HEATR5B: variants seen among roughly 807,000 people sequenced by gnomAD.
The protein encoded by HEATR5B is HEAT repeat containing 5B, also known as HEAT repeat-containing protein 5B.
Under a neutral mutation model 224.1 loss-of-function variants are expected in HEATR5B, and 156 were observed. The ratio of observed to expected loss-of-function variants is 0.70; its 90% confidence interval spans 0.61 to 0.80. The LOEUF (loss-of-function observed/expected upper bound fraction) is 0.80. HEATR5B is among the 30% of genes least tolerant of loss of function. HEATR5B has a pLI of 0.00. For missense variants in HEATR5B, 2,323 were observed against 2,535.5 expected, an observed-to-expected ratio of 0.92 and a Z score of 1.80; for synonymous variants, 1,027 against 893.0, an observed-to-expected ratio of 1.15 and a Z score of -2.68.
intron 2 of HEATR5B, among the ~76,000 whole-genome samples, 161 bp from the exon 3 acceptor site, chr2:37,079,492 G>A (rs1672426279): frequency 1.3e-5 from 2 of 152,116 alleles, no homozygotes; most frequent in Non-Finnish European, 2.9e-5. Flanking sequence ...GAAAAGTTCT[G>A]TAAGAAATGA....
intron 2 of HEATR5B, among the ~76,000 whole-genome samples, chr2:37,082,942 T>C (rs1672701157): frequency 1.3e-5 from 2 of 151,618 alleles, no homozygotes; most frequent in African/African-American, 4.9e-5. Flanking sequence ...AAAAAGAGCC[T>C]ATTATTGACT....
intron 16 of HEATR5B, 36 bp downstream of exon 16, chr2:37,056,404 A>G (rs1334950177): frequency 6.8e-7 from 1 of 1,472,786 alleles, no homozygotes; most frequent in South Asian, 1.3e-5. Context: ...CATAATATAT[A>G]TTTAACAAAA....
intron 26 of HEATR5B, among the ~76,000 whole-genome samples, chr2:37,015,031 G>C (rs1167353385): frequency 1.3e-5 from 2 of 152,032 alleles, no homozygotes. Context: ...CTACCCTCAA[G>C]TAAGAAAACA....
chr2:36,996,121 C>T (rs1326352666), intron 33 of HEATR5B, among the ~76,000 whole-genome samples: 2 of 149,270 alleles, frequency 1.3e-5, no homozygotes, highest in African/African-American at 2.5e-5. Context: ...AGTGCAGTGG[C>T]GCGATCTCAG....
Position 37,059,228 on chromosome 2 carries a change from C to T in HEATR5B, c.1850-241G>A, listed in dbSNP as rs564660023. 2.1e-4 allele frequency among the ~76,000 whole-genome samples: 32 copies of T among 150,778 alleles called. No homozygotes were observed. In the South Asian group the frequency reaches 2.5e-3, roughly 12 times the overall value. On this transcript the variant is annotated intron_variant, in intron 12 of 35. Transcript: ENST00000233099. ...GAAGGTACTGGTTAGAGAGATTCTT[C>T]GGGTGGAAATTCAGAGGACTATGAT... is the stretch of plus-strand genomic sequence containing the variant.
chr2:37,004,199 G>A (rs1357662892), intron 30 of HEATR5B, among the ~76,000 whole-genome samples: 1 of 151,928 alleles, frequency 6.6e-6, no homozygotes, highest in African/African-American at 2.4e-5. Flanking sequence ...CAAAGAGGGG[G>A]AAAAGACTTA....
At chr2:37,062,078 T>G (rs1671315618) in intron 10 of HEATR5B, 28 bp from the exon 11 acceptor site, 1 of 1,280,812 alleles carries the variant, frequency 7.8e-7, no homozygotes, top group East Asian at 2.3e-5. Flanking sequence ...AATTGGATTT[T>G]AATTCAAACA....
chr2:37,002,999 G>A (rs1667188288), intron 31 of HEATR5B, among the ~76,000 whole-genome samples: 1 of 151,850 alleles, frequency 6.6e-6, no homozygotes, highest in Non-Finnish European at 1.5e-5. Flanking sequence ...TGGCTCAAAC[G>A]TGTAATCTCA....
At chr2:37,050,183 T>C (rs772080411) in intron 17 of HEATR5B, among the ~76,000 whole-genome samples, 1 of 152,186 alleles carries the variant, frequency 6.6e-6, no homozygotes, top group Non-Finnish European at 1.5e-5. Flanking sequence ...GCACCTGGCC[T>C]CGCAATTCAT....
At chr2:37,071,812 G>C (rs983583637) in intron 6 of HEATR5B, among the ~76,000 whole-genome samples, 11 of 151,848 alleles carry the variant, frequency 7.2e-5, no homozygotes, top group Non-Finnish European at 1.6e-4. Context: ...AGCCTCCCAA[G>C]TAGCTGGGAT....
intron 7 of HEATR5B, among the ~76,000 whole-genome samples, chr2:37,069,740 C>G (rs1206819354): frequency 6.6e-6 from 1 of 151,980 alleles, no homozygotes; most frequent in African/African-American, 2.4e-5. Flanking sequence ...TAAATATCTA[C>G]CGAATTTCCA....
At chr2:37,035,837 C>G (rs1206118765) in intron 21 of HEATR5B, among the ~76,000 whole-genome samples, 1 of 152,114 alleles carries the variant, frequency 6.6e-6, no homozygotes, top group African/African-American at 2.4e-5. Flanking sequence ...GCTCCAGGCC[C>G]ATAAAACTAA....
At chr2:37,014,659 T>TG (rs962377797) in intron 26 of HEATR5B, among the ~76,000 whole-genome samples, 3 of 151,256 alleles carry the variant, frequency 2.0e-5, no homozygotes, top group Non-Finnish European at 4.4e-5. Context: ...GGGTTATGCT[T>TG]GCTGCTATAA....
chr2:37,027,965 C>A lies in HEATR5B; in HGVS notation c.3811G>T (p.Asp1271Tyr). 1 of 1,614,184 alleles carries A rather than the reference C, an allele frequency of 6.2e-7. No homozygotes were observed. Among genetic ancestry groups the A allele is most frequent in the Non-Finnish European group, 8.5e-7 (1 of 1,180,018 alleles). ...LCENADQAHFDLALARSAKLR... is the reference protein window; with the variant it reads ...LCENADQAHFYLALARSAKLR... ...TTAGCAGAACGTGCCAAGGCAAGAT[C>A]AAAGTGAGCCTGGTCTGCATTCTCA... Residue 1271 changes from aspartate (D) to tyrosine (Y), a missense_variant, in exon 24 of 36, where the codon GAT becomes TAT. By Grantham distance (160) the Asp-to-Tyr change is radical. Around this residue, in one of 12 missense-constraint regions of HEATR5B, gnomAD observed 339 missense variants for 378.4 expected, o/e 0.90. Transcript: ENST00000233099.
At chr2:37,001,086 T>C (rs1433758206) in intron 32 of HEATR5B, among the ~76,000 whole-genome samples, 2 of 152,196 alleles carry the variant, frequency 1.3e-5, no homozygotes, top group African/African-American at 4.8e-5. Flanking sequence ...TATTTAATAT[T>C]TCATGCCCTG....
chr2:37,081,823 C>T (rs1672588825), intron 2 of HEATR5B, among the ~76,000 whole-genome samples: 1 of 152,080 alleles, frequency 6.6e-6, no homozygotes, highest in Non-Finnish European at 1.5e-5. Context: ...TCTCCCACAA[C>T]TCCAAGAATG....
rs1364052368 is a variant in HEATR5B at position 37,040,325 on chromosome 2, T to C, written c.3046+4A>G. On this transcript the variant is annotated splice_donor_region_variant and intron_variant, in intron 20 of 35. Coordinates refer to ENST00000233099, the MANE Select transcript of HEATR5B (RefSeq NM_019024.3). ...GGTTCCTTAATTTCAGATGATTTAC[T>C]TACCTTGTAGTTCAGGGCCAACAGT... The C allele has an allele frequency of 6.2e-7, 1 of 1,607,160 alleles. No homozygotes were observed. The highest frequency in any genetic ancestry group is 1.7e-5 in the Admixed American group (1 of 58,890).
intron 30 of HEATR5B, 139 bp downstream of exon 30, chr2:37,005,493 G>A (rs1667351925): frequency 3.9e-6 from 3 of 765,186 alleles, no homozygotes; most frequent in East Asian, 2.7e-5. Context: ...GTAACTGGGT[G>A]AATAAATACA....
At chr2:36,983,345 T>C (rs1665708278) in intron 35 of HEATR5B, among the ~76,000 whole-genome samples, 1 of 145,822 alleles carries the variant, frequency 6.9e-6, no homozygotes, top group Non-Finnish European at 1.5e-5. Context: ...CTAACCAACA[T>C]GGAGAAACCC....
Sources: gnomAD v4.1 joint callset for allele counts (sites outside exome capture counted in the v4.1 genomes callset) on GRCh38, gnomAD v4.1.1 for gene constraint, gnomAD v4.1.1 regional missense constraint, MANE v1.5 for transcripts, NCBI Gene and HGNC (gene_info 2026-07-23, HGNC 2026-07-21) for gene names.